The following RNF103 variants were observed in gnomAD, a reference collection of about 807,000 sequenced individuals.
RNF103 encodes the protein ring finger protein 103.
In RNF103, 23 loss-of-function variants were observed where a neutral mutation model predicts 66.2. The ratio of observed to expected loss-of-function variants is 0.35; its 90% confidence interval spans 0.25 to 0.49. RNF103 has a LOEUF of 0.49. Among genes scored for constraint, RNF103 ranks in the 20% least tolerant of loss-of-function variants. The probability of loss-of-function intolerance (pLI) is 0.98; values close to 1 mark genes in which losing one functional copy is unlikely to be tolerated. For synonymous variants in RNF103, 297 were observed against 289.9 expected (o/e 1.02, Z -0.25); for missense variants, 730 against 814.7 (o/e 0.90, Z 1.27).
Position 86,612,289 on chromosome 2 carries a change from A to G in RNF103, c.367-15T>C. 6.6e-7 allele frequency: 1 copy of G among 1,517,598 alleles called. No homozygotes were observed. Among genetic ancestry groups the G allele is most frequent in the Non-Finnish European group, 9.0e-7 (1 of 1,106,158 alleles). The allele number at this position is 1,517,598 out of a possible 1,614,324, so 94.0% of individuals were successfully genotyped here. On this transcript the variant is annotated splice_polypyrimidine_tract_variant and intron_variant, in intron 2 of 3. Transcript: ENST00000237455. ...TTTGCTATGACCTATTCCCAAAAAT[A>G]GAGAAAAAGAAACTTGAATTACCTA...
chr2:86,609,503 C>T (rs1378552421), intron 3 of RNF103, among the ~76,000 whole-genome samples: 1 of 151,584 alleles, frequency 6.6e-6, no homozygotes, highest in Non-Finnish European at 1.5e-5. Flanking sequence ...TCTCTTGCCT[C>T]AGTCTCCCGA....
At chr2:86,613,639 A>T (rs546714182) in intron 2 of RNF103, 1 of 152,314 alleles carries the variant, frequency 6.6e-6, no homozygotes, top group African/African-American at 2.4e-5. Context: ...GTGGGTGTGT[A>T]AAATGAGTGC....
At chr2:86,613,776 T>TG (rs1678898698) in intron 2 of RNF103, 2 of 152,232 alleles carry the variant, frequency 1.3e-5, no homozygotes, top group African/African-American at 4.8e-5. Context: ...ACAAGTGACT[T>TG]GAAGTTCACT....
intron 2 of RNF103, chr2:86,612,661 T>C (rs1678844665): frequency 6.4e-6 from 1 of 155,262 alleles, no homozygotes; most frequent in African/African-American, 2.4e-5. Flanking sequence ...ATAATCCAAA[T>C]AGAGCTTACT....
rs1024583749 is a variant in RNF103, at chr2:86,622,860, G to A, written c.27C>T (p.Leu9=). The A allele has an allele frequency of 1.3e-5, 21 of 1,611,774 alleles. No homozygotes were observed. The highest frequency in any genetic ancestry group is 8.0e-5 in the African/African-American group (6 of 74,818). Residue 9 remains leucine (L), a synonymous_variant, in exon 1 of 4, where the codon CTC becomes CTT. Transcript: ENST00000237455. MWLKLFFL[L]LYFLVLFVLA... Reference sequence around the variant, plus strand: ...GGACGAACAGGACCAGGAAATAGAGGAGCAAGAAAAAAAGCTTCAGCCACA... The same window carrying A: ...GGACGAACAGGACCAGGAAATAGAGAAGCAAGAAAAAAAGCTTCAGCCACA...
In RNF103 at chr2:86,604,721, A is replaced by G. The variant is rs768214868; in HGVS notation, c.1180T>C (p.Leu394=). The part of the protein sequence containing the change: ...DSFYEYSLKL[L]RYSNTTTLAS... ...AGTGTGGTTGTATTGGAATATCTCA[A>G]CAATTTTAAGCTATATTCATAAAAG... is the stretch of plus-strand genomic sequence containing the variant. The change falls in exon 4 of 4, where the codon TTG becomes CTG. Residue 394 remains leucine (L), a synonymous_variant. Transcript: ENST00000237455. 5 of 1,614,130 alleles carry G rather than the reference A, an allele frequency of 3.1e-6. No homozygotes were observed. The South Asian group carries it at 5.5e-5, about 18-fold the overall frequency.
At chr2:86,606,672 A>AG (rs1678574302) in intron 3 of RNF103, among the ~76,000 whole-genome samples, 1 of 149,114 alleles carries the variant, frequency 6.7e-6, no homozygotes, top group South Asian at 2.1e-4. Context: ...CAAAAAAAAA[A>AG]AAAAAAAAAA....
chr2:86,610,342 T>C (rs1284137393), intron 3 of RNF103, among the ~76,000 whole-genome samples: 3 of 152,218 alleles, frequency 2.0e-5, no homozygotes. Context: ...CTCTTCACCA[T>C]TTCTCAGCTA....
At chr2:86,609,382 G>GTTTT in intron 3 of RNF103, among the ~76,000 whole-genome samples, 1 of 140,456 alleles carries the variant, frequency 7.1e-6, no homozygotes, top group African/African-American at 3.1e-5. Context: ...TCAGCCTCAG[G>GTTTT]TATTTTTTTT....
intron 3 of RNF103, among the ~76,000 whole-genome samples, chr2:86,606,943 T>G (rs938787744): frequency 2.6e-5 from 4 of 152,014 alleles, no homozygotes; most frequent in Admixed American, 2.6e-4. Context: ...CATGCTAGGC[T>G]AAGTTTTAAA....
At chr2:86,609,384 ATTTT>A (rs112431636) in intron 3 of RNF103, among the ~76,000 whole-genome samples, 1 of 134,414 alleles carries the variant, frequency 7.4e-6, no homozygotes, top group Admixed American at 7.5e-5. Flanking sequence ...AGCCTCAGGT[ATTTT>A]TTTTTTTTTT....
intron 2 of RNF103, chr2:86,617,098 T>G: frequency 1.0e-6 from 1 of 985,088 alleles, no homozygotes; most frequent in Non-Finnish European, 1.2e-6. Flanking sequence ...TACATGTATT[T>G]CATAGTGTGT....
In RNF103 at chr2:86,604,334, G is replaced by T; in HGVS notation, c.1567C>A (p.Gln523Lys). The T allele has an allele frequency of 6.2e-7, 1 of 1,614,156 alleles. No homozygotes were observed. ...CCCTCCGACATTTCCTCTTCAGACT[G>T]GACTCCAAGACATTTAAATCGCCAC... ...PMWRFKCLGV[Q>K]SEEEMSEGSQ... The change falls in exon 4 of 4, where the codon CAG (glutamine) becomes AAG (lysine). Residue 523 changes from glutamine (Q) to lysine (K), a missense_variant. By Grantham distance (53) the Gln-to-Lys change is moderately conservative. This residue lies in a region of RNF103 where 355 missense variants were observed against 351.9 expected (regional missense o/e 1.01). Coordinates refer to ENST00000237455, the MANE Select transcript of RNF103 (RefSeq NM_005667.4).
In RNF103 at chr2:86,604,710, G is replaced by A; in HGVS notation, c.1191C>T (p.Ser397=). 1 of 1,614,016 alleles carries A rather than the reference G, an allele frequency of 6.2e-7. No individual in the cohort carries two copies. The highest frequency in any genetic ancestry group is 8.5e-7 in the Non-Finnish European group (1 of 1,180,006). ...CCCATGAAGCCAGTGTGGTTGTATT[G>A]GAATATCTCAACAATTTTAAGCTAT... ...YEYSLKLLRY[S]NTTTLASWVR... The change falls in exon 4 of 4, where the codon TCC becomes TCT. Residue 397 remains serine, a synonymous_variant. Coordinates refer to ENST00000237455, the MANE Select transcript of RNF103 (RefSeq NM_005667.4).
At chr2:86,621,752 A>G (rs1464409650) in intron 1 of RNF103, among the ~76,000 whole-genome samples, 1 of 152,230 alleles carries the variant, frequency 6.6e-6, no homozygotes, top group Non-Finnish European at 1.5e-5. Flanking sequence ...GATAACCATC[A>G]GTTTCAGCTG....
intron 1 of RNF103, among the ~76,000 whole-genome samples, chr2:86,620,705 T>C (rs1679198341): frequency 6.6e-6 from 1 of 152,142 alleles, no homozygotes; most frequent in South Asian, 2.1e-4. Context: ...CAAAAATCCA[T>C]CTCTTATAGA....
chr2:86,622,630 GA>G (rs1167205973), intron 1 of RNF103, 30 bp downstream of exon 1: 1 of 1,610,136 alleles, frequency 6.2e-7, no homozygotes, highest in African/African-American at 1.3e-5. Flanking sequence ...CTCCCAGGTG[GA>G]GGGGACCCTA....
chr2:86,617,862 C>T (rs568526175), intron 2 of RNF103: 136 of 1,077,320 alleles, frequency 1.3e-4, no homozygotes, highest in Non-Finnish European at 1.5e-4. Flanking sequence ...GGCTAGTTCA[C>T]AGTGCCAAGG....
intron 2 of RNF103, chr2:86,614,652 G>A (rs308907): frequency 0.69 from 421,075 of 609,984 alleles, 146,593 homozygotes; most frequent in East Asian, 0.94. Flanking sequence ...GGAAGATCAA[G>A]CAAAGCAGGC....
Sources: gnomAD v4.1 joint callset for allele counts (sites outside exome capture counted in the v4.1 genomes callset) on GRCh38, gnomAD v4.1.1 for gene constraint, gnomAD v4.1.1 regional missense constraint, MANE v1.5 for transcripts, NCBI Gene and HGNC (gene_info 2026-07-23, HGNC 2026-07-21) for gene names.